Variants in CASP4 observed in about 807,000 individuals in gnomAD.
CASP4 encodes caspase 4.
A neutral mutation model predicts 41.3 loss-of-function variants in CASP4; 29 were observed. The observed-to-expected ratio is 0.70, with a 90% CI of 0.52 to 0.96. The LOEUF (loss-of-function observed/expected upper bound fraction) is 0.96. CASP4 is among the 40% of genes least tolerant of loss of function. The pLI is 0.00. For missense variants in CASP4, 447 were observed against 460.6 expected (o/e 0.97, Z 0.27); for synonymous variants, 185 against 158.4 (o/e 1.17, Z -1.26).
At chr11:104,947,322 C>A in intron 6 of CASP4, 130 bp from the exon 7 acceptor site, 1 of 488,840 alleles carries the variant, frequency 2.0e-6, no homozygotes, top group Non-Finnish European at 3.6e-6. Context: ...TTGTAGGAAG[C>A]ACTTACAACC....
chr11:104,947,659 T>C (rs1309070048), intron 6 of CASP4: 1 of 152,476 alleles, frequency 6.6e-6, no homozygotes, highest in East Asian at 1.9e-4. Context: ...TTTCACCGTA[T>C]AATAGAAATA....
intron 8 of CASP4, 149 bp downstream of exon 8, chr11:104,944,599 G>A (rs1380697803): frequency 1.8e-6 from 1 of 567,184 alleles, no homozygotes; most frequent in Non-Finnish European, 3.2e-6. Context: ...ATGTAAGTCG[G>A]AAAGAAGTAG....
intron 1 of CASP4, among the ~76,000 whole-genome samples, chr11:104,962,633 C>T (rs1235080518): frequency 6.6e-6 from 1 of 152,136 alleles, no homozygotes; most frequent in Non-Finnish European, 1.5e-5. Flanking sequence ...TCCTTAAGAG[C>T]TTAATCTTGT....
chr11:104,952,617 C>T (rs1860643358), intron 2 of CASP4, among the ~76,000 whole-genome samples: 1 of 152,028 alleles, frequency 6.6e-6, no homozygotes, highest in Non-Finnish European at 1.5e-5. Flanking sequence ...CCTCCTAATC[C>T]CCACTACACA....
chr11:104,959,578 G>A (rs550507164), intron 1 of CASP4, among the ~76,000 whole-genome samples: 11 of 152,150 alleles, frequency 7.2e-5, no homozygotes, highest in African/African-American at 2.4e-4. Flanking sequence ...TGTGGATGTC[G>A]GTATTGAAAC....
chr11:104,944,764 G>A lies in CASP4; in HGVS notation c.1123C>T (p.Pro375Ser). The A allele has an allele frequency of 1.2e-6, 2 of 1,608,186 alleles. No homozygotes were observed. The highest frequency in any genetic ancestry group is 1.7e-6 in the Non-Finnish European group (2 of 1,174,702). Residue 375 changes from proline to serine, a missense_variant, in exon 8 of 9, where the codon CCT (proline) becomes TCT (serine). By Grantham distance (74) the Pro-to-Ser change is moderately conservative. Coordinates refer to ENST00000444739, the MANE Select transcript of CASP4 (RefSeq NM_001225.4). ...ATACTTAACCATTTTCAATTGCCAG[G>A]AAAGAGGTAGAAATATCTTGTCATG... ...LSMTRYFYLF[P>S]GN is the part of the protein sequence containing the mutation.
chr11:104,967,998 G>A (rs1310141125), intron 1 of CASP4, among the ~76,000 whole-genome samples: 1 of 152,066 alleles, frequency 6.6e-6, no homozygotes, highest in African/African-American at 2.4e-5. Context: ...AAACAACTGT[G>A]ATATTAACCC....
chr11:104,967,556 G>C (rs943869213), intron 1 of CASP4, among the ~76,000 whole-genome samples: 1 of 152,178 alleles, frequency 6.6e-6, no homozygotes, highest in Non-Finnish European at 1.5e-5. Context: ...ATCACTAGCA[G>C]ATAAGCAGAG....
chr11:104,958,757 T>A lies in CASP4; in HGVS notation c.8-3756A>T, dbSNP rs555792537. Among the ~76,000 whole-genome samples the A allele has an allele frequency of 1.4e-3, 215 of 152,126 alleles. 3 individuals are homozygous for A. The South Asian group carries it at 0.042, about 30-fold the overall frequency. On this transcript the variant is annotated intron_variant, in intron 1 of 8. Coordinates refer to ENST00000444739, the MANE Select transcript of CASP4 (RefSeq NM_001225.4). ...GGGCAGATCACCTGAGGTCAGTAGTTCTAGACCAGGCTGGACAACATGGTA... is the reference window on the plus strand; with the variant it reads ...GGGCAGATCACCTGAGGTCAGTAGTACTAGACCAGGCTGGACAACATGGTA...
chr11:104,955,270 C>G (rs2134647164), intron 1 of CASP4, among the ~76,000 whole-genome samples: 1 of 151,684 alleles, frequency 6.6e-6, no homozygotes, highest in South Asian at 2.1e-4. Flanking sequence ...GGCATTGGAC[C>G]TAATGCAAAC....
At chr11:104,965,797 C>T (rs1860961562) in intron 1 of CASP4, among the ~76,000 whole-genome samples, 1 of 152,160 alleles carries the variant, frequency 6.6e-6, no homozygotes, top group African/African-American at 2.4e-5. Flanking sequence ...TGGAATGTCC[C>T]CATTGTGCTC....
chr11:104,954,814 T>A lies in CASP4; in HGVS notation c.195A>T (p.Gln65His). 1.9e-6 allele frequency: 3 copies of A among 1,613,728 alleles called. No homozygotes were observed. The highest frequency in any genetic ancestry group is 2.5e-6 in the Non-Finnish European group (3 of 1,179,698). Residue 65 changes from glutamine (Q) to histidine (H), a missense_variant, in exon 2 of 9, where the codon CAA (glutamine) becomes CAT (histidine). Coordinates refer to ENST00000444739, the MANE Select transcript of CASP4 (RefSeq NM_001225.4). ...GAAGAAGCATTTGTCCTGCCATACG[T>A]TGCTTCTCTTGCATAGAGTCTGCCA... Reference protein sequence around the residue: ...RVMADSMQEKQRMAGQMLLQT... With the variant: ...RVMADSMQEKHRMAGQMLLQT...
chr11:104,943,336 C>G (rs998620850), intron 8 of CASP4: 5 of 223,946 alleles, frequency 2.2e-5, no homozygotes, highest in African/African-American at 1.2e-4. Flanking sequence ...CATTGCAGTT[C>G]TTTAAACATG....
At chr11:104,950,362 T>C (rs772466406) in intron 4 of CASP4, among the ~76,000 whole-genome samples, 2 of 151,992 alleles carry the variant, frequency 1.3e-5, no homozygotes, top group Non-Finnish European at 2.9e-5. Context: ...TACAATTCTG[T>C]CTCATATTTC....
At chr11:104,968,467 C>A (rs1417459166) in intron 1 of CASP4, 52 bp downstream of exon 1, 12 of 1,513,928 alleles carry the variant, frequency 7.9e-6, no homozygotes, top group Non-Finnish European at 1.0e-5. Flanking sequence ...AGCAATAAAT[C>A]AAGTGTTTTC....
chr11:104,943,166 T>C (rs1860366382), intron 8 of CASP4, 193 bp from the exon 9 acceptor site: 2 of 335,908 alleles, frequency 6.0e-6, no homozygotes, highest in African/African-American at 4.3e-5. Flanking sequence ...ATTACTTCTT[T>C]TTTCTAAAGC....
chr11:104,964,648 C>T (rs1049815167), intron 1 of CASP4, among the ~76,000 whole-genome samples: 1 of 151,804 alleles, frequency 6.6e-6, no homozygotes, highest in African/African-American at 2.4e-5. Context: ...ATAAAAGCCC[C>T]TTGGGGAATC....
Position 104,951,903 on chromosome 11 carries a change from G to A in CASP4, c.365C>T (p.Ala122Val). The A allele has an allele frequency of 6.2e-7, 1 of 1,600,444 alleles. No homozygotes were observed. ...EEFLRLCKER[A>V]EEIYPIKERN... ...ATATAGATAGCATAGCACCTCTTCA[G>A]CTCTTTCTTTACATAGTCTCAGGAA... The change falls in exon 3 of 9, where the codon GCT (alanine) becomes GTT (valine). Residue 122 changes from alanine (A) to valine (V), a missense_variant. Transcript: ENST00000444739.
chr11:104,966,864 A>C (rs1288890771), intron 1 of CASP4, among the ~76,000 whole-genome samples: 2 of 152,348 alleles, frequency 1.3e-5, no homozygotes, highest in East Asian at 3.9e-4. Context: ...TTCTCTAAGT[A>C]TCCCCTTCAA....
Sources: allele counts gnomAD v4.1 joint callset (sites outside exome capture counted in the v4.1 genomes callset), GRCh38; gene constraint gnomAD v4.1.1; transcripts MANE v1.5; gene names NCBI Gene and HGNC (gene_info 2026-07-23, HGNC 2026-07-21).